The following NEDD4L variants were observed in gnomAD, a reference collection of about 807,000 sequenced individuals.
The protein encoded by NEDD4L is E3 ubiquitin-protein ligase NEDD4-like.
NEDD4L carries 54 observed loss-of-function variants against 148.9 expected under a neutral mutation model. The observed-to-expected ratio is 0.36, with a 90% CI of 0.29 to 0.45. The LOEUF (loss-of-function observed/expected upper bound fraction) is 0.45, where lower values mean the gene tolerates loss of function less well. Ranked by LOEUF, NEDD4L falls within the 20% of genes least tolerant of loss-of-function variation. NEDD4L has a pLI of 1.00. For synonymous variants in NEDD4L, 433 were observed against 440.7 expected (o/e 0.98, Z 0.22); for missense variants, 856 against 1,233.8 (o/e 0.69, Z 4.59).
intron 13 of NEDD4L, 126 bp downstream of exon 13, chr18:58,335,663 A>G (rs1310012370): frequency 5.4e-6 from 4 of 737,932 alleles, no homozygotes; most frequent in African/African-American, 1.7e-5. Flanking sequence ...AGAGCTGCAC[A>G]CGTTTCTTAT....
intron 2 of NEDD4L, chr18:58,221,654 C>A: frequency 1.0e-6 from 1 of 985,398 alleles, no homozygotes; most frequent in Non-Finnish European, 1.2e-6. Context: ...AGGAGGAAGA[C>A]GAGGCCAGGG....
intron 6 of NEDD4L, among the ~76,000 whole-genome samples, chr18:58,322,006 A>G (rs1053577938): frequency 1.3e-5 from 2 of 152,208 alleles, no homozygotes; most frequent in Non-Finnish European, 2.9e-5. Flanking sequence ...ATTTTAATAC[A>G]AAAAACAAAG....
intron 1 of NEDD4L, among the ~76,000 whole-genome samples, chr18:58,130,214 TTGAC>T (rs1281720482): frequency 8.2e-5 from 12 of 145,492 alleles, no homozygotes; most frequent in Admixed American, 1.4e-4. Flanking sequence ...TGGGGTTTGG[TTGAC>T]TGTGATCTAG....
chr18:58,376,816 C>T (rs897788650), intron 24 of NEDD4L, among the ~76,000 whole-genome samples: 2 of 152,232 alleles, frequency 1.3e-5, no homozygotes, highest in Non-Finnish European at 2.9e-5. Context: ...CCTGGCTCTC[C>T]CTGCTCCTCC....
chr18:58,391,337 TAA>T, intron 29 of NEDD4L, 148 bp from the exon 30 acceptor site: 1 of 677,578 alleles, frequency 1.5e-6, no homozygotes, highest in Admixed American at 2.2e-5. Context: ...CCCTCAACAT[TAA>T]ATATCAATGT....
intron 1 of NEDD4L, among the ~76,000 whole-genome samples, chr18:58,103,814 C>G (rs551029099): frequency 6.6e-6 from 1 of 152,108 alleles, no homozygotes; most frequent in Non-Finnish European, 1.5e-5. Context: ...CTGCGCAGCC[C>G]GAGGAGGAGA....
chr18:58,380,484 A>G (rs544433460), intron 24 of NEDD4L, among the ~76,000 whole-genome samples: 3 of 151,900 alleles, frequency 2.0e-5, no homozygotes, highest in Non-Finnish European at 4.4e-5. Context: ...ACTCCCAGCT[A>G]ATTTTTGTAT....
chr18:58,108,660 ATCCACCCACC>A (rs368730286), intron 1 of NEDD4L, among the ~76,000 whole-genome samples: 4 of 152,144 alleles, frequency 2.6e-5, no homozygotes, highest in African/African-American at 9.7e-5. Flanking sequence ...AGCTCAGGTG[ATCCACCCACC>A]TCGGCCCCCC....
At chr18:58,375,212 C>T (rs931204240) in intron 24 of NEDD4L, among the ~76,000 whole-genome samples, 1 of 152,118 alleles carries the variant, frequency 6.6e-6, no homozygotes, top group African/African-American at 2.4e-5. Flanking sequence ...CCTGTCTGTG[C>T]ACTCCCCTAG....
At chr18:58,180,680 G>A (rs181563519) in intron 2 of NEDD4L, among the ~76,000 whole-genome samples, 19 of 152,224 alleles carry the variant, frequency 1.2e-4, no homozygotes, top group African/African-American at 4.1e-4. Flanking sequence ...GTAGGTTTAG[G>A]ACATTCTTTA....
chr18:58,270,075 C>G (rs536758574), intron 5 of NEDD4L, among the ~76,000 whole-genome samples: 1 of 152,278 alleles, frequency 6.6e-6, no homozygotes, highest in South Asian at 2.1e-4. Flanking sequence ...CCGGTCTATC[C>G]TGTTATGTCT....
At chr18:58,364,381 G>A in intron 20 of NEDD4L, 48 bp downstream of exon 20, 1 of 1,174,448 alleles carries the variant, frequency 8.5e-7, no homozygotes, top group Non-Finnish European at 1.2e-6. Context: ...TCATTTGTAA[G>A]TTACCACAGT....
chr18:58,249,387 A>G (rs2047640443), intron 4 of NEDD4L, among the ~76,000 whole-genome samples: 1 of 152,202 alleles, frequency 6.6e-6, no homozygotes, highest in African/African-American at 2.4e-5. Context: ...GTGCATATAT[A>G]TGTGTATAAT....
intron 2 of NEDD4L, among the ~76,000 whole-genome samples, chr18:58,173,903 G>A (rs569622669): frequency 4.6e-5 from 7 of 152,292 alleles, no homozygotes; most frequent in Admixed American, 3.3e-4. Context: ...CATTTAATCG[G>A]TGGGTCTATT....
At chr18:58,306,407 C>T (rs2057067988) in intron 5 of NEDD4L, among the ~76,000 whole-genome samples, 1 of 152,054 alleles carries the variant, frequency 6.6e-6, no homozygotes, top group Admixed American at 6.5e-5. Flanking sequence ...GAAGGAAGGG[C>T]ACATGGCAAG....
At chr18:58,304,051 A>G (rs1455644842) in intron 5 of NEDD4L, among the ~76,000 whole-genome samples, 1 of 151,974 alleles carries the variant, frequency 6.6e-6, no homozygotes, top group Non-Finnish European at 1.5e-5. Context: ...CCTCCCAGGG[A>G]CGTTTGACAG....
chr18:58,261,693 G>A (rs2049404630), intron 5 of NEDD4L, among the ~76,000 whole-genome samples: 1 of 152,124 alleles, frequency 6.6e-6, no homozygotes, highest in Admixed American at 6.5e-5. Flanking sequence ...TAGTTGAATG[G>A]TTTCTGGATA....
chr18:58,251,853 A>C, intron 4 of NEDD4L, 148 bp from the exon 5 acceptor site: 1 of 600,082 alleles, frequency 1.7e-6, no homozygotes, highest in Non-Finnish European at 3.0e-6. Flanking sequence ...TTTAGTACAC[A>C]TAGAATTCCC....
At chr18:58,084,667 GTT>G (rs1300034537) in intron 1 of NEDD4L, among the ~76,000 whole-genome samples, 1 of 138,224 alleles carries the variant, frequency 7.2e-6, no homozygotes, top group Non-Finnish European at 1.5e-5. Flanking sequence ...ATCTTGTGGG[GTT>G]TTTGTGTGTG....
Sources: allele counts gnomAD v4.1 joint callset (sites outside exome capture counted in the v4.1 genomes callset), GRCh38; gene constraint gnomAD v4.1.1; transcripts MANE v1.5; gene names NCBI Gene and HGNC (gene_info 2026-07-23, HGNC 2026-07-21).